Variants in SLC2A9 observed in about 807,000 individuals in gnomAD.
The protein encoded by SLC2A9 is solute carrier family 2 member 9, also known as solute carrier family 2, facilitated glucose transporter member 9.
Under a neutral mutation model 50.6 loss-of-function variants are expected in SLC2A9, and 39 were observed. The ratio of observed to expected loss-of-function variants is 0.77; its 90% CI spans 0.60 to 1.01. The LOEUF (loss-of-function observed/expected upper bound fraction) is 1.01. Ranked by LOEUF, SLC2A9 falls within the 50% of genes least tolerant of loss-of-function variation. SLC2A9 has a pLI of 0.00. For synonymous variants in SLC2A9, 324 were observed against 276.9 expected (o/e 1.17, Z -1.69); for missense variants, 686 against 677.6 (o/e 1.01, Z -0.14).
chr4:9,991,804 G>A (rs1275240923), intron 3 of SLC2A9, among the ~76,000 whole-genome samples: 2 of 152,198 alleles, frequency 1.3e-5, no homozygotes, highest in African/African-American at 4.8e-5. Context: ...GAAGCCTCGG[G>A]AGGAAAAGAC....
intron 5 of SLC2A9, among the ~76,000 whole-genome samples, chr4:9,966,228 A>T (rs1237801637): frequency 6.6e-6 from 1 of 152,226 alleles, no homozygotes; most frequent in African/African-American, 2.4e-5. Context: ...CGAAAGCCTT[A>T]AAAAAATTTA....
chr4:9,886,345 T>A (rs1736204850), intron 10 of SLC2A9, among the ~76,000 whole-genome samples: 1 of 152,104 alleles, frequency 6.6e-6, no homozygotes, highest in South Asian at 2.1e-4. Flanking sequence ...GTGCTGTGTG[T>A]TCATCCTCTA....
chr4:9,868,275 C>T (rs1340475331), intron 10 of SLC2A9, among the ~76,000 whole-genome samples: 1 of 152,242 alleles, frequency 6.6e-6, no homozygotes, highest in Non-Finnish European at 1.5e-5. Context: ...AGTGTTCTGA[C>T]CTCAGAGTCG....
chr4:9,885,167 G>A (rs769139259), intron 10 of SLC2A9, among the ~76,000 whole-genome samples: 7 of 152,030 alleles, frequency 4.6e-5, no homozygotes, highest in South Asian at 2.1e-4. Flanking sequence ...CATGTATCCC[G>A]GAACTTAAAA....
chr4:10,004,063 A>G (rs965468771), intron 2 of SLC2A9, among the ~76,000 whole-genome samples: 2 of 152,178 alleles, frequency 1.3e-5, no homozygotes, highest in Non-Finnish European at 2.9e-5. Flanking sequence ...TCTCTTAACC[A>G]TTACTTTTTT....
Position 9,948,121 on chromosome 4 carries a change from C to T in SLC2A9, c.682-6076G>A, listed in dbSNP as rs191028469. ...GCCACTTATTTCTTTCTAAACACCA[C>T]CCCCCCACCCCTTACCTTCCATGAC... is the stretch of plus-strand genomic sequence containing the variant. On this transcript the variant is annotated intron_variant, in intron 5 of 11. Coordinates refer to ENST00000264784, the MANE Select transcript of SLC2A9 (RefSeq NM_020041.3). Among the ~76,000 whole-genome samples the T allele has an allele frequency of 7.2e-5, 11 of 152,032 alleles. 1 individual carries two copies. Among genetic ancestry groups the T allele is most frequent in the Middle Eastern group, 3.4e-3 (1 of 292 alleles).
At chr4:9,814,651 T>C (rs1723333052) in intron 3 of SLC2A9, among the ~76,000 whole-genome samples, 1 of 152,206 alleles carries the variant, frequency 6.6e-6, no homozygotes, top group South Asian at 2.1e-4. Flanking sequence ...GGTGGGACAG[T>C]GGAGACACCT....
chr4:9,935,433 G>A (rs1287347114), intron 6 of SLC2A9, among the ~76,000 whole-genome samples: 1 of 152,222 alleles, frequency 6.6e-6, no homozygotes, highest in Non-Finnish European at 1.5e-5. Context: ...CCTGCTTCCA[G>A]GAGCCTTGGG....
At chr4:9,799,700 C>CGCCA (rs139684538) in intron 3 of SLC2A9, among the ~76,000 whole-genome samples, 4 of 93,636 alleles carry the variant, frequency 4.3e-5, no homozygotes, top group Non-Finnish European at 8.5e-5. Context: ...GTACCCCCCC[C>CGCCA]CCACCCAACT....
intron 5 of SLC2A9, among the ~76,000 whole-genome samples, chr4:9,943,108 G>C (rs1748497042): frequency 6.6e-6 from 1 of 152,166 alleles, no homozygotes; most frequent in Non-Finnish European, 1.5e-5. Flanking sequence ...CCGCTGGGAG[G>C]CAGGGCTTCC....
downstream of SLC2A9, among the ~76,000 whole-genome samples, chr4:9,795,850 A>G (rs757031608): frequency 8.5e-5 from 13 of 152,166 alleles, no homozygotes; most frequent in Non-Finnish European, 1.8e-4. Flanking sequence ...GGGGAACCAA[A>G]GAGCAGCATG....
downstream of SLC2A9, among the ~76,000 whole-genome samples, chr4:9,774,868 C>A (rs747322137): frequency 6.6e-6 from 1 of 151,982 alleles, no homozygotes; most frequent in Non-Finnish European, 1.5e-5. Context: ...CTCATTCCTT[C>A]TGCAAATAAG....
At chr4:10,016,514 C>A (rs981816490) in intron 2 of SLC2A9, among the ~76,000 whole-genome samples, 3 of 152,074 alleles carry the variant, frequency 2.0e-5, no homozygotes, top group African/African-American at 4.8e-5. Context: ...TAATATGTGT[C>A]ACTCATCTTA....
chr4:9,784,863 T>C (rs1382211989), intron 3 of SLC2A9, among the ~76,000 whole-genome samples: 18 of 152,238 alleles, frequency 1.2e-4, no homozygotes, highest in Non-Finnish European at 2.1e-4. Context: ...TTGATCTCTT[T>C]AAGGCTAATT....
At chr4:9,939,317 G>A (rs1184397152) in intron 6 of SLC2A9, among the ~76,000 whole-genome samples, 5 of 152,140 alleles carry the variant, frequency 3.3e-5, no homozygotes, top group Non-Finnish European at 7.3e-5. Flanking sequence ...TGACCTATAG[G>A]TTTGTGAACT....
At chr4:9,918,325 G>GA (rs1743267935) in intron 7 of SLC2A9, among the ~76,000 whole-genome samples, 1 of 152,210 alleles carries the variant, frequency 6.6e-6, no homozygotes, top group Non-Finnish European at 1.5e-5. Context: ...CGTGAATTTG[G>GA]ATGACAAGGC....
chr4:9,935,170 C>T (rs1746841781), intron 6 of SLC2A9, among the ~76,000 whole-genome samples: 1 of 152,160 alleles, frequency 6.6e-6, no homozygotes, highest in East Asian at 1.9e-4. Context: ...TGGGTATATG[C>T]CCAGTAATGG....
intron 3 of SLC2A9, among the ~76,000 whole-genome samples, chr4:9,814,018 T>G (rs909550841): frequency 6.6e-6 from 1 of 152,214 alleles, no homozygotes; most frequent in Non-Finnish European, 1.5e-5. Context: ...CACATGCCTG[T>G]AATCTCAACT....
At chr4:9,903,447 T>C (rs1029370016) in intron 8 of SLC2A9, among the ~76,000 whole-genome samples, 9 of 152,060 alleles carry the variant, frequency 5.9e-5, no homozygotes, top group African/African-American at 2.2e-4. Context: ...TGAATGACGC[T>C]CACTGGAAGT....
Sources: allele counts gnomAD v4.1 joint callset (sites outside exome capture counted in the v4.1 genomes callset), GRCh38; gene constraint gnomAD v4.1.1; transcripts MANE v1.5; gene names NCBI Gene and HGNC (gene_info 2026-07-23, HGNC 2026-07-21).